SETX: variants seen among roughly 807,000 people sequenced by gnomAD.
The protein encoded by SETX is helicase senataxin.
A neutral mutation model predicts 227.2 loss-of-function variants in SETX; 90 were observed. That is an observed-to-expected ratio of 0.40 (90% CI 0.33 to 0.47). The LOEUF (loss-of-function observed/expected upper bound fraction) is 0.47. SETX is among the 20% of genes least tolerant of loss of function. The probability of loss-of-function intolerance (pLI) is 0.91; values close to 1 mark genes in which losing one functional copy is unlikely to be tolerated. For missense variants in SETX, 3,052 were observed against 3,181.5 expected (o/e 0.96, Z 0.98); for synonymous variants, 1,210 against 1,113.2 (o/e 1.09, Z -1.73).
intron 11 of SETX, among the ~76,000 whole-genome samples, chr9:132,309,244 G>A (rs887929086): frequency 6.6e-6 from 1 of 152,144 alleles, no homozygotes; most frequent in African/African-American, 2.4e-5. Context: ...TGAGCCCAAG[G>A]GTAGGCAAAT....
chr9:132,302,860 C>G (rs1845093834), intron 11 of SETX, among the ~76,000 whole-genome samples: 3 of 151,930 alleles, frequency 2.0e-5, no homozygotes, highest in Admixed American at 1.3e-4. Context: ...GGCAGCTATA[C>G]AGATAAAGAA....
chr9:132,347,728 CTA>C (rs1848371412), intron 3 of SETX, among the ~76,000 whole-genome samples: 1 of 151,442 alleles, frequency 6.6e-6, no homozygotes, highest in Non-Finnish European at 1.5e-5. Flanking sequence ...CGAGGCCCTT[CTA>C]TGTCTTCCCT....
At chr9:132,269,106 T>C (rs1842779227) in intron 25 of SETX, among the ~76,000 whole-genome samples, 1 of 152,270 alleles carries the variant, frequency 6.6e-6, no homozygotes, top group Non-Finnish European at 1.5e-5. Flanking sequence ...ATTTGTCTAC[T>C]GAAGTTGGAA....
At chr9:132,293,685 G>C (rs1844478754) in intron 15 of SETX, among the ~76,000 whole-genome samples, 1 of 152,068 alleles carries the variant, frequency 6.6e-6, no homozygotes, top group Non-Finnish European at 1.5e-5. Context: ...CTCCCAAAGT[G>C]CTGGGATTAT....
chr9:132,346,123 T>A (rs1470574831), intron 4 of SETX, 138 bp downstream of exon 4: 3 of 719,184 alleles, frequency 4.2e-6, no homozygotes, highest in East Asian at 2.7e-5. Flanking sequence ...ATAAAAAACG[T>A]TGGAAAAAAA....
In SETX at chr9:132,327,749, T is replaced by C. The variant is rs1381965356; in HGVS notation, c.3849A>G (p.Thr1283=). 1 of 1,614,218 alleles carries C rather than the reference T, an allele frequency of 6.2e-7. No homozygotes were observed. Among genetic ancestry groups the C allele is most frequent in the Non-Finnish European group, 8.5e-7 (1 of 1,180,046 alleles). The change falls in exon 10 of 26, where the codon ACA becomes ACG. Residue 1283 remains threonine (T), a synonymous_variant. Transcript: ENST00000224140. The part of the protein sequence containing the change: ...KFRQCPEPTS[T]AEKLGLKKGP... ...CCTTTTTCAGGCCAAGTTTCTCAGCTGTTGAAGTTGGCTCAGGACACTGAC... is the reference window on the plus strand; with the variant it reads ...CCTTTTTCAGGCCAAGTTTCTCAGCCGTTGAAGTTGGCTCAGGACACTGAC...
At position 132,342,480 on chromosome 9, in the gene SETX, C is replaced by G. The variant is rs546738697; in HGVS notation, c.498+210G>C. On this transcript the variant is annotated intron_variant, in intron 5 of 25. Transcript: ENST00000224140. ...GTTATTCCCGTTTGTCTTTTAAGAT[C>G]AAGCATCACCTGTCGGTAAGTATCC... Among the ~76,000 whole-genome samples, 25 of 152,326 alleles carry G rather than the reference C, an allele frequency of 1.6e-4. No homozygotes were observed. In the South Asian group the frequency reaches 4.8e-3, roughly 29 times the overall value.
Position 132,326,333 on chromosome 9 carries a change from AG to A in SETX, c.5264del (p.Thr1755IlefsTer31), listed in dbSNP as rs776632212. The A allele has an allele frequency of 2.5e-6, 4 of 1,603,510 alleles. No individual in the cohort carries two copies. Among genetic ancestry groups the A allele is most frequent in the Non-Finnish European group, 3.4e-6 (4 of 1,171,516 alleles). On this transcript the variant is annotated frameshift_variant, in exon 10 of 26. Transcript: ENST00000224140. LOFTEE classifies it high-confidence loss of function. ...NVFFPLMVLN[T>X]FETVAQEWLN... ...TGAAACACATACTTACTGTTTCAAA[AG>A]TATTCAATACCATCAAAGGGAAAAA...
intron 10 of SETX, among the ~76,000 whole-genome samples, chr9:132,324,425 T>C (rs1163067586): frequency 6.6e-6 from 1 of 152,178 alleles, no homozygotes; most frequent in African/African-American, 2.4e-5. Context: ...TCTTTTGTAG[T>C]AGACTTGTCC....
At chr9:132,269,171 G>A (rs1039454996) in intron 25 of SETX, among the ~76,000 whole-genome samples, 1 of 152,250 alleles carries the variant, frequency 6.6e-6, no homozygotes, top group African/African-American at 2.4e-5. Flanking sequence ...TGCCGGAGGC[G>A]CTAAGTGCTG....
chr9:132,310,471 C>T (rs989772551), intron 11 of SETX, among the ~76,000 whole-genome samples: 1 of 152,188 alleles, frequency 6.6e-6, no homozygotes, highest in Admixed American at 6.5e-5. Context: ...TTATTCATAA[C>T]ATGCTGTGCA....
In SETX at chr9:132,283,391, G is replaced by A; in HGVS notation, c.6419C>T (p.Thr2140Ile). ...GGACTCTAAGATGATGATACTCTGT[G>A]TTTTCTGTGGGCGTCCTTGAACCTA... ...IKEVQGRPQK[T>I]QSIIILESHI... The change falls in exon 19 of 26, where the codon ACA becomes ATA. Residue 2140 changes from threonine to isoleucine, a missense_variant. Thr to Ile is a moderately conservative substitution (Grantham distance 89, BLOSUM62 -1). Coordinates refer to ENST00000224140, the MANE Select transcript of SETX (RefSeq NM_015046.7). 1 of 1,614,180 alleles carries A rather than the reference G, an allele frequency of 6.2e-7. No homozygotes were observed. The highest frequency in any genetic ancestry group is 8.5e-7 in the Non-Finnish European group (1 of 1,180,028).
intron 5 of SETX, among the ~76,000 whole-genome samples, chr9:132,337,586 C>T (rs1027743511): frequency 1.1e-4 from 16 of 152,112 alleles, no homozygotes; most frequent in African/African-American, 3.6e-4. Flanking sequence ...AAAACACAGA[C>T]CCCACAGGTA....
At chr9:132,304,690 C>G (rs1171648739) in intron 11 of SETX, among the ~76,000 whole-genome samples, 2 of 151,064 alleles carry the variant, frequency 1.3e-5, no homozygotes, top group Non-Finnish European at 3.0e-5. Flanking sequence ...AAAACCACAA[C>G]CGGGAAGGAA....
chr9:132,274,464 A>T (rs1589616747), intron 23 of SETX, among the ~76,000 whole-genome samples: 1 of 140,830 alleles, frequency 7.1e-6, no homozygotes, highest in African/African-American at 2.7e-5. Context: ...TTTGAGATGG[A>T]GTCTCGCTCT....
chr9:132,298,361 C>T (rs966578048), intron 12 of SETX, 49 bp from the exon 13 acceptor site: 32 of 1,428,904 alleles, frequency 2.2e-5, no homozygotes, highest in Non-Finnish European at 3.1e-5. Context: ...CTGAATAATG[C>T]TGCCTAGTTG....
upstream of SETX, among the ~76,000 whole-genome samples, chr9:132,355,620 G>A (rs1012275306): frequency 8.6e-5 from 13 of 152,044 alleles, no homozygotes; most frequent in African/African-American, 3.1e-4. Flanking sequence ...CGGGAGGCTC[G>A]CTTGAGCCCG....
intron 11 of SETX, among the ~76,000 whole-genome samples, chr9:132,302,660 CAAAAAAAAA>C (rs35647306): frequency 6.0e-5 from 2 of 33,304 alleles, no homozygotes; most frequent in African/African-American, 1.7e-4. Context: ...GACTTTGTCT[CAAAAAAAAA>C]AAAAAAAAAA....
chr9:132,354,110 G>T (rs781431104), intron 1 of SETX, among the ~76,000 whole-genome samples: 2 of 152,130 alleles, frequency 1.3e-5, no homozygotes. Context: ...AGTCACCCCC[G>T]TTTCACTTGG....
Sources: gnomAD v4.1 joint callset for allele counts (sites outside exome capture counted in the v4.1 genomes callset) on GRCh38, gnomAD v4.1.1 for gene constraint, MANE v1.5 for transcripts, NCBI Gene and HGNC (gene_info 2026-07-23, HGNC 2026-07-21) for gene names.